UGGT2: variants seen among roughly 807,000 people sequenced by gnomAD.
The protein encoded by UGGT2 is UDP-glucose glycoprotein glucosyltransferase 2.
Under a neutral mutation model 192.1 loss-of-function variants are expected in UGGT2, and 180 were observed. The ratio of observed to expected loss-of-function variants is 0.94; its 90% CI spans 0.83 to 1.06. The LOEUF is 1.06. UGGT2 is among the 50% of genes least tolerant of loss of function. UGGT2 has a pLI of 0.00. For synonymous variants in UGGT2, 580 were observed against 591.0 expected (o/e 0.98, Z 0.27); for missense variants, 1,849 against 1,795.7 (o/e 1.03, Z -0.54).
At chr13:95,970,306 T>G (rs757731627) in intron 11 of UGGT2, 44 bp from the exon 12 acceptor site, 43 of 1,537,350 alleles carry the variant, frequency 2.8e-5, no homozygotes, top group Non-Finnish European at 2.4e-5. Context: ...ATTTTCCAAA[T>G]TAAAAACAAA....
chr13:95,977,745 A>G (rs182508168), intron 10 of UGGT2, among the ~76,000 whole-genome samples: 1 of 152,344 alleles, frequency 6.6e-6, no homozygotes, highest in Non-Finnish European at 1.5e-5. Context: ...ATGCACACGT[A>G]TGTTTATTGC....
At chr13:96,018,638 G>A (rs1268677477) in intron 4 of UGGT2, among the ~76,000 whole-genome samples, 1 of 151,594 alleles carries the variant, frequency 6.6e-6, no homozygotes, top group East Asian at 1.9e-4. Context: ...TTTCCAACAT[G>A]TAAATAAAAC....
intron 2 of UGGT2, 46 bp from the exon 3 acceptor site, chr13:96,023,805 C>T: frequency 6.9e-7 from 1 of 1,455,138 alleles, no homozygotes; most frequent in Admixed American, 1.9e-5. Context: ...ATTTTATACA[C>T]TGCACATTGG....
intron 36 of UGGT2, among the ~76,000 whole-genome samples, chr13:95,840,279 T>C (rs1244749529): frequency 1.3e-5 from 2 of 151,812 alleles, no homozygotes; most frequent in Non-Finnish European, 2.9e-5. Context: ...TGGGAGAAAA[T>C]TTTTGCAATC....
At chr13:95,884,716 A>G (rs933515888) in intron 26 of UGGT2, 36 bp from the exon 27 acceptor site, 5 of 1,535,206 alleles carry the variant, frequency 3.3e-6, no homozygotes, top group Non-Finnish European at 3.5e-6. Flanking sequence ...AATGTGACCA[A>G]AACTGAGATT....
At chr13:96,005,958 T>C (rs1353081007) in intron 5 of UGGT2, among the ~76,000 whole-genome samples, 4 of 152,118 alleles carry the variant, frequency 2.6e-5, no homozygotes, top group African/African-American at 9.7e-5. Flanking sequence ...CCTGCATACA[T>C]GAAAGGCATG....
At chr13:95,934,225 G>A (rs985162045) in intron 17 of UGGT2, among the ~76,000 whole-genome samples, 1 of 152,188 alleles carries the variant, frequency 6.6e-6, no homozygotes, top group African/African-American at 2.4e-5. Context: ...TGGTCCATGA[G>A]TATGACTGGT....
rs1035506882 is a variant in UGGT2 at position 95,854,317 on chromosome 13, G to C, written c.4167C>G (p.Ile1389Met). Residue 1389 changes from isoleucine (I) to methionine (M), a missense_variant and splice_region_variant, in exon 35 of 39, where the codon ATC becomes ATG. Ile to Met is a conservative substitution (Grantham distance 10, BLOSUM62 1). Transcript: ENST00000376747. ...ASHLLRRKYH[I>M]SALYVVDLKK... ...GGTAAGGGTCTGACTTTTCTTACCT[G>C]ATATGGTATTTCCGTCTTAAAAGAT... 2 of 1,610,902 alleles carry C rather than the reference G, an allele frequency of 1.2e-6. No homozygotes were observed. The highest frequency in any genetic ancestry group is 1.7e-6 in the Non-Finnish European group (2 of 1,178,924).
chr13:95,865,685 T>C (rs2140105729), intron 30 of UGGT2, among the ~76,000 whole-genome samples: 1 of 152,136 alleles, frequency 6.6e-6, no homozygotes, highest in African/African-American at 2.4e-5. Context: ...AAAAACAAAC[T>C]ACTGAAATAC....
At chr13:95,825,086 G>GT (rs1413266100) in intron 38 of UGGT2, among the ~76,000 whole-genome samples, 8 of 152,254 alleles carry the variant, frequency 5.3e-5, no homozygotes, top group African/African-American at 1.9e-4. Flanking sequence ...AGATGTGGTT[G>GT]TAATAGTCAT....
intron 17 of UGGT2, among the ~76,000 whole-genome samples, chr13:95,932,387 G>C (rs1479804001): frequency 2.0e-5 from 3 of 149,048 alleles, no homozygotes; most frequent in African/African-American, 7.4e-5. Flanking sequence ...TTCTTGATTT[G>C]GCTCTCAGCT....
chr13:95,844,547 T>C (rs1888196672), intron 36 of UGGT2, among the ~76,000 whole-genome samples: 1 of 152,220 alleles, frequency 6.6e-6, no homozygotes, highest in Non-Finnish European at 1.5e-5. Flanking sequence ...AAGTTTTTCA[T>C]TTTTAAAATG....
chr13:95,834,067 G>A (rs1460023612), intron 37 of UGGT2, among the ~76,000 whole-genome samples: 1 of 152,056 alleles, frequency 6.6e-6, no homozygotes. Flanking sequence ...GAGGTAAGTG[G>A]ACAACACAAT....
chr13:96,029,646 CCA>C (rs1260057800), intron 2 of UGGT2, among the ~76,000 whole-genome samples: 1 of 152,156 alleles, frequency 6.6e-6, no homozygotes. Context: ...ATACCTCCTT[CCA>C]TATATGCTTG....
chr13:95,924,583 C>T (rs981580827), intron 20 of UGGT2, among the ~76,000 whole-genome samples: 4 of 151,836 alleles, frequency 2.6e-5, no homozygotes, highest in African/African-American at 9.7e-5. Flanking sequence ...GGTATTCATG[C>T]CCTGTAAAGC....
intron 9 of UGGT2, among the ~76,000 whole-genome samples, chr13:95,986,009 GA>G (rs1225128212): frequency 3.3e-5 from 5 of 151,926 alleles, no homozygotes; most frequent in African/African-American, 1.2e-4. Flanking sequence ...ATAAGGGAAA[GA>G]AAAAACACTC....
intron 12 of UGGT2, among the ~76,000 whole-genome samples, chr13:95,968,558 C>G (rs1305644837): frequency 6.6e-6 from 1 of 152,070 alleles, no homozygotes; most frequent in Non-Finnish European, 1.5e-5. Context: ...GACCAGGCTG[C>G]TTAAATGTAT....
Position 95,887,482 on chromosome 13 carries a change from G to A in UGGT2, c.3038+410C>T, listed in dbSNP as rs947564907. ...ACAACACTTTTTTATATCTCTGGCA[G>A]GTTATTCTAAGCTAATTTTATCCTA... On this transcript the variant is annotated intron_variant, in intron 26 of 38. Transcript: ENST00000376747. 5 of 314,712 alleles carry A rather than the reference G, an allele frequency of 1.6e-5. No homozygotes were observed. In the East Asian group the frequency reaches 3.1e-4, roughly 19 times the overall value. 19.5% of individuals were successfully genotyped at this position (314,712 alleles called of 1,614,324 possible).
intron 20 of UGGT2, among the ~76,000 whole-genome samples, chr13:95,907,978 C>T (rs982245985): frequency 6.6e-6 from 1 of 152,116 alleles, no homozygotes; most frequent in Non-Finnish European, 1.5e-5. Flanking sequence ...TCGAACCCAT[C>T]TCAAGGAAGC....
Sources: gnomAD v4.1 joint callset for allele counts (sites outside exome capture counted in the v4.1 genomes callset) on GRCh38, gnomAD v4.1.1 for gene constraint, MANE v1.5 for transcripts, NCBI Gene and HGNC (gene_info 2026-07-23, HGNC 2026-07-21) for gene names.